The following PSD3 variants were observed in gnomAD, a reference collection of about 807,000 sequenced individuals.
The protein encoded by PSD3 is pleckstrin and Sec7 domain containing 3, also known as PH and SEC7 domain-containing protein 3.
PSD3 carries 49 observed loss-of-function variants against 105.5 expected under a neutral mutation model. That is an observed-to-expected ratio of 0.46 (90% confidence interval 0.37 to 0.59). The LOEUF (loss-of-function observed/expected upper bound fraction) is 0.59. Ranked by LOEUF, PSD3 falls within the 20% of genes least tolerant of loss-of-function variation. The pLI is 0.00. For synonymous variants in PSD3, 557 were observed against 457.8 expected, an observed-to-expected ratio of 1.22 and a Z score of -2.77; for missense variants, 1,561 against 1,263.8, an observed-to-expected ratio of 1.24 and a Z score of -3.57.
At chr8:18,879,100 G>T (rs1020801713) in intron 2 of PSD3, among the ~76,000 whole-genome samples, 9 of 139,220 alleles carry the variant, frequency 6.5e-5, no homozygotes, top group African/African-American at 2.4e-4. Context: ...ACACACAACT[G>T]AACACTGGCC....
At chr8:18,600,238 T>C (rs752789009) in intron 12 of PSD3, 126 bp downstream of exon 12, 252 of 888,606 alleles carry the variant, frequency 2.8e-4, no homozygotes, top group Non-Finnish European at 3.8e-4. Flanking sequence ...GAAAATTTTT[T>C]AACATCAGCA....
chr8:18,925,402 T>C (rs1299849775), intron 2 of PSD3, among the ~76,000 whole-genome samples: 1 of 151,744 alleles, frequency 6.6e-6, no homozygotes, highest in Non-Finnish European at 1.5e-5. Flanking sequence ...TATATATATA[T>C]ATATACACAC....
intron 1 of PSD3, among the ~76,000 whole-genome samples, chr8:18,981,487 C>A (rs1016792327): frequency 7.2e-5 from 11 of 152,144 alleles, no homozygotes; most frequent in Admixed American, 3.3e-4. Context: ...ATAAAACAAA[C>A]TCATCAGGTT....
chr8:18,542,567 C>T (rs990052054), intron 15 of PSD3, among the ~76,000 whole-genome samples: 1 of 152,124 alleles, frequency 6.6e-6, no homozygotes, highest in Non-Finnish European at 1.5e-5. Context: ...TAATTTCAGG[C>T]CACAAAGTAA....
At chr8:18,607,210 A>G (rs73582061) in intron 11 of PSD3, among the ~76,000 whole-genome samples, 1,914 of 152,282 alleles carry the variant, frequency 0.013, 48 homozygotes, top group African/African-American at 0.044. Flanking sequence ...CCTGCTCATG[A>G]CTACAGATCT....
At chr8:18,625,804 T>C (rs1563393756) in intron 11 of PSD3, among the ~76,000 whole-genome samples, 1 of 152,142 alleles carries the variant, frequency 6.6e-6, no homozygotes, top group Non-Finnish European at 1.5e-5. Flanking sequence ...AATATCTGCT[T>C]TATAGGACCA....
At chr8:18,621,284 T>C (rs1208203131) in intron 11 of PSD3, among the ~76,000 whole-genome samples, 1 of 152,172 alleles carries the variant, frequency 6.6e-6, no homozygotes, top group East Asian at 1.9e-4. Flanking sequence ...GGCACACACC[T>C]GTAGTCCCTG....
intron 9 of PSD3, among the ~76,000 whole-genome samples, chr8:18,763,655 G>C (rs1223459349): frequency 6.6e-6 from 1 of 152,016 alleles, no homozygotes; most frequent in Non-Finnish European, 1.5e-5. Flanking sequence ...AAGAAAGGGA[G>C]GAAAGGGAAG....
intron 12 of PSD3, among the ~76,000 whole-genome samples, chr8:18,587,072 T>C (rs1451992685): frequency 6.6e-6 from 1 of 151,994 alleles, no homozygotes; most frequent in Non-Finnish European, 1.5e-5. Flanking sequence ...CTCACCCAAA[T>C]AGTGGGGGAT....
intron 10 of PSD3, among the ~76,000 whole-genome samples, chr8:18,636,775 C>T (rs772200021): frequency 2.6e-5 from 4 of 152,132 alleles, no homozygotes; most frequent in African/African-American, 7.2e-5. Context: ...GGCACAGTAA[C>T]GAGCTATACA....
intron 8 of PSD3, among the ~76,000 whole-genome samples, chr8:18,790,840 C>T (rs73666719): frequency 0.043 from 6,429 of 151,260 alleles, 421 homozygotes; most frequent in African/African-American, 0.14. Context: ...AAAACATAGA[C>T]CAAAAGCTTC....
At chr8:18,787,441 A>G (rs12544522) in intron 8 of PSD3, among the ~76,000 whole-genome samples, 3,293 of 152,236 alleles carry the variant, frequency 0.022, 159 homozygotes, top group East Asian at 0.14. Flanking sequence ...TAAAATCAGT[A>G]GGCATTTTAA....
chr8:18,623,055 A>C (rs77721693), intron 11 of PSD3, among the ~76,000 whole-genome samples: 5 of 152,128 alleles, frequency 3.3e-5, no homozygotes, highest in Non-Finnish European at 5.9e-5. Context: ...TTTTCATTCA[A>C]AAAATCTTTT....
chr8:18,907,907 T>G (rs574614148), intron 2 of PSD3, among the ~76,000 whole-genome samples: 1 of 152,346 alleles, frequency 6.6e-6, no homozygotes, highest in East Asian at 1.9e-4. Flanking sequence ...TAAGCTGGAT[T>G]TAATTTTTAT....
In PSD3 at chr8:18,638,115, A is replaced by G. The variant is rs1002118006; in HGVS notation, c.2217-5309T>C. Among the ~76,000 whole-genome samples the G allele has an allele frequency of 2.7e-5, 4 of 146,730 alleles. No individual in the cohort carries two copies. In the Admixed American group the frequency reaches 2.8e-4, roughly 10 times the overall value. On this transcript the variant is annotated intron_variant, in intron 10 of 15. Transcript: ENST00000327040. The stretch of plus-strand genomic sequence containing the variant: ...GGTTGCAGTGAGCTAAGATCACGCC[A>G]CTGCACTCCAGCCTGGGCGACAGAG...
At position 18,801,340 on chromosome 8, in the gene PSD3, T is replaced by C; in HGVS notation, c.1953A>G (p.Glu651=). 1 of 1,608,700 alleles carries C rather than the reference T, an allele frequency of 6.2e-7. No individual in the cohort carries two copies. The highest frequency in any genetic ancestry group is 2.2e-5 in the East Asian group (1 of 44,622). Residue 651 remains glutamate (E), a synonymous_variant, in exon 7 of 16, where the codon GAA becomes GAG. Coordinates refer to ENST00000327040, the MANE Select transcript of PSD3 (RefSeq NM_015310.4). ...AGAAGTGTATTAAAACTCTCTCTCG[T>C]TCTTGAGTTTCTCCCACAAGAGAGA... The part of the protein sequence containing the change: ...KAFSLVGETQ[E]RERVLIHFSN...
At chr8:18,985,214 G>A (rs560893695) in intron 1 of PSD3, among the ~76,000 whole-genome samples, 6 of 152,274 alleles carry the variant, frequency 3.9e-5, no homozygotes, top group Non-Finnish European at 8.8e-5. Context: ...GATTACAGGC[G>A]TGAGTCACCG....
chr8:18,575,722 G>A (rs1802425115), intron 12 of PSD3, among the ~76,000 whole-genome samples: 1 of 152,084 alleles, frequency 6.6e-6, no homozygotes, highest in Non-Finnish European at 1.5e-5. Flanking sequence ...TAAAAACAAT[G>A]CCATTGTGTT....
At position 18,776,317 on chromosome 8, in the gene PSD3, T is replaced by C. The variant is rs556263139; in HGVS notation, c.2083-10779A>G. Among the ~76,000 whole-genome samples, 15 of 147,036 alleles carry C rather than the reference T, an allele frequency of 1.0e-4. No homozygotes were observed. The East Asian group carries it at 2.9e-3, about 29-fold the overall frequency. ...ATGTATAAATATATATAGTATAAAA[T>C]ATATATAAACTATATAAATATATAT... On this transcript the variant is annotated intron_variant, in intron 8 of 15. Transcript: ENST00000327040.
Sources: allele counts gnomAD v4.1 joint callset (sites outside exome capture counted in the v4.1 genomes callset), GRCh38; gene constraint gnomAD v4.1.1; transcripts MANE v1.5; gene names NCBI Gene and HGNC (gene_info 2026-07-23, HGNC 2026-07-21).